The following MALRD1 variants were observed in gnomAD, a reference collection of about 807,000 sequenced individuals.
MALRD1 encodes MAM and LDL receptor class A domain containing 1.
In MALRD1, 247 loss-of-function variants were observed where a neutral mutation model predicts 242.1. The observed-to-expected ratio is 1.02, with a 90% CI of 0.92 to 1.13. MALRD1 has a LOEUF of 1.13. MALRD1 is among the 50% of genes most tolerant of loss of function. The probability of loss-of-function intolerance (pLI) is 0.00; values close to 1 mark genes in which losing one functional copy is unlikely to be tolerated. For missense variants in MALRD1, 2,989 were observed against 2,533.1 expected (o/e 1.18, Z -3.86); for synonymous variants, 995 against 866.6 (o/e 1.15, Z -2.60).
intron 38 of MALRD1, among the ~76,000 whole-genome samples, chr10:19,695,706 A>G (rs1054633084): frequency 6.6e-6 from 1 of 151,772 alleles, no homozygotes; most frequent in Non-Finnish European, 1.5e-5. Context: ...TTTTATTTTT[A>G]GTAGACACAG....
At chr10:19,486,692 T>C (rs1368219790) in intron 29 of MALRD1, among the ~76,000 whole-genome samples, 3 of 152,142 alleles carry the variant, frequency 2.0e-5, no homozygotes, top group African/African-American at 7.2e-5. Context: ...ATATTGAATG[T>C]CATCAGCTTA....
At chr10:19,054,144 T>C (rs1244351348) in intron 1 of MALRD1, among the ~76,000 whole-genome samples, 2 of 152,188 alleles carry the variant, frequency 1.3e-5, no homozygotes, top group African/African-American at 4.8e-5. Flanking sequence ...AAATAGCTTT[T>C]AAGTCATATT....
chr10:19,347,835 G>A lies in MALRD1; in HGVS notation c.3966G>A (p.Glu1322=), dbSNP rs1844198810. The part of the protein sequence containing the change: ...DLCSWKQEKD[E]DFDWNLKASS... ...GTTCCTGGAAGCAGGAGAAAGATGA[G>A]GACTTTGACTGGAACCTGAAAGCTA... is the stretch of plus-strand genomic sequence containing the variant. The change falls in exon 25 of 40, where the codon GAG becomes GAA. Residue 1322 remains glutamate (E), a synonymous_variant. Coordinates refer to ENST00000454679, the MANE Select transcript of MALRD1 (RefSeq NM_001142308.3). The A allele has an allele frequency of 3.2e-6, 5 of 1,550,456 alleles. No homozygotes were observed. The highest frequency in any genetic ancestry group is 1.7e-4 in the Middle Eastern group (1 of 5,990).
chr10:19,075,855 A>C (rs1835300524), intron 2 of MALRD1, among the ~76,000 whole-genome samples: 1 of 152,080 alleles, frequency 6.6e-6, no homozygotes, highest in Non-Finnish European at 1.5e-5. Flanking sequence ...AAGCAATAGA[A>C]AATGAGTTCA....
rs1564417220 is a variant in MALRD1 at position 19,530,388 on chromosome 10, ATTT to A, written c.5321-805_5321-803del. On this transcript the variant is annotated intron_variant, in intron 31 of 39. Transcript: ENST00000454679. Reference sequence around the variant, plus strand: ...ATAAATATTTATATAAATATTATATATTTATATAAATATTATATATTTATATAA... The same window carrying A: ...ATAAATATTTATATAAATATTATATAATATAAATATTATATATTTATATAA... Among the ~76,000 whole-genome samples, 526 of 78,040 alleles carry A rather than the reference ATTT, an allele frequency of 6.7e-3. 24 individuals carry two copies. The East Asian group carries it at 0.083, about 12-fold the overall frequency. 51.2% of individuals were successfully genotyped at this position (78,040 alleles called of 152,430 possible). A position where few individuals can be genotyped will look rare whatever the true frequency, so the allele number is the denominator to read the frequency against.
chr10:19,566,026 A>G (rs1836232807), intron 32 of MALRD1, among the ~76,000 whole-genome samples: 1 of 152,088 alleles, frequency 6.6e-6, no homozygotes, highest in African/African-American at 2.4e-5. Flanking sequence ...CTGTCTCTGG[A>G]ATATTTGGTG....
Position 19,230,689 on chromosome 10 carries a change from G to C in MALRD1, c.2991+21009G>C, listed in dbSNP as rs192020128. 5.9e-5 allele frequency among the ~76,000 whole-genome samples: 9 copies of C among 152,206 alleles called. No individual in the cohort carries two copies. In the East Asian group the frequency reaches 1.7e-3, roughly 29 times the overall value. On this transcript the variant is annotated intron_variant, in intron 18 of 39. Transcript: ENST00000454679. Reference sequence around the variant, plus strand: ...ATGCTTAGGATCTTTAGCTGTTCCAGGTTCTGGGAAAAGGGAGAGAGTTAG... The same window carrying C: ...ATGCTTAGGATCTTTAGCTGTTCCACGTTCTGGGAAAAGGGAGAGAGTTAG...
chr10:19,365,683 AAAAAAC>A (rs1226033434), intron 26 of MALRD1, among the ~76,000 whole-genome samples: 2 of 149,026 alleles, frequency 1.3e-5, no homozygotes, highest in East Asian at 3.9e-4. Flanking sequence ...AAAAAAAAAA[AAAAAAC>A]AAGCTACTAT....
rs757362285 is a variant in MALRD1 at position 19,718,083 on chromosome 10, A to G, written c.6315-12623A>G. ...AGGAAGAAGAAGAAGGAGAGGAATA[A>G]GTAGAAGAAGAAGAAGAGGAAGAGG... On this transcript the variant is annotated intron_variant, in intron 38 of 39. Transcript: ENST00000454679. 6.2e-5 allele frequency among the ~76,000 whole-genome samples: 8 copies of G among 128,938 alleles called. No homozygotes were observed. In the South Asian group the frequency reaches 2.1e-3, roughly 35 times the overall value. The allele number at this position is 128,938 out of a possible 152,430, so 84.6% of individuals were successfully genotyped here.
At chr10:19,585,739 G>A (rs376196218) in intron 33 of MALRD1, among the ~76,000 whole-genome samples, 233 of 152,048 alleles carry the variant, frequency 1.5e-3, no homozygotes, top group African/African-American at 4.5e-3. Flanking sequence ...TCTTTGTGGC[G>A]TTCTCTGTAT....
In MALRD1 at chr10:19,348,162, GA is replaced by G. The variant is rs755973972; in HGVS notation, c.4149+150del. 5.0e-5 allele frequency: 54 copies of G among 1,078,902 alleles called. No homozygotes were observed. The South Asian group carries it at 6.8e-4, about 14-fold the overall frequency. 66.8% of individuals were successfully genotyped at this position (1,078,902 alleles called of 1,614,324 possible). A position where few individuals can be genotyped will look rare whatever the true frequency, so the allele number is the denominator to read the frequency against. On this transcript the variant is annotated intron_variant, in intron 25 of 39. Coordinates refer to ENST00000454679, the MANE Select transcript of MALRD1 (RefSeq NM_001142308.3). ...TTCAACTTTGGATATGTGAAGGGGGGAAAAAATGAAGTTCAGAATGAAGGGG... is the reference window on the plus strand; with the variant it reads ...TTCAACTTTGGATATGTGAAGGGGGGAAAAATGAAGTTCAGAATGAAGGGG...
At chr10:19,111,926 G>A (rs1010801983) in intron 5 of MALRD1, among the ~76,000 whole-genome samples, 50 of 152,164 alleles carry the variant, frequency 3.3e-4, no homozygotes, top group African/African-American at 1.2e-3. Context: ...TTGGCACTTG[G>A]CTGGGGCTGC....
At chr10:19,484,397 G>A (rs1184739075) in intron 29 of MALRD1, among the ~76,000 whole-genome samples, 21 of 152,142 alleles carry the variant, frequency 1.4e-4, no homozygotes, top group Admixed American at 1.2e-3. Context: ...ATGAAAAAGA[G>A]AGTGCATGTG....
intron 29 of MALRD1, among the ~76,000 whole-genome samples, chr10:19,484,309 AG>A (rs2131189525): frequency 6.6e-6 from 1 of 152,342 alleles, no homozygotes; most frequent in East Asian, 1.9e-4. Context: ...AAAGTTTTCT[AG>A]CTACTAAAAT....
intron 31 of MALRD1, among the ~76,000 whole-genome samples, chr10:19,525,365 G>A (rs1237972158): frequency 1.3e-5 from 2 of 152,036 alleles, no homozygotes; most frequent in African/African-American, 2.4e-5. Context: ...TTAACCCTCT[G>A]CTGACATCAA....
At chr10:19,161,435 G>T in intron 12 of MALRD1, among the ~76,000 whole-genome samples, 1 of 116,924 alleles carries the variant, frequency 8.6e-6, no homozygotes, top group East Asian at 2.5e-4. Flanking sequence ...GCGCACCAGC[G>T]TGGCACATGT....
intron 7 of MALRD1, 24 bp from the exon 8 acceptor site, chr10:19,128,197 C>T (rs1189901885): frequency 8.1e-7 from 1 of 1,231,590 alleles, no homozygotes; most frequent in Non-Finnish European, 1.0e-6. Flanking sequence ...TCCTAAATTG[C>T]TTCTTTTTTC....
intron 13 of MALRD1, among the ~76,000 whole-genome samples, chr10:19,173,957 G>T (rs371043223): frequency 2.0e-5 from 3 of 152,226 alleles, no homozygotes; most frequent in South Asian, 2.1e-4. Flanking sequence ...TATAACAAAA[G>T]AGAGGTTAAA....
At chr10:19,426,679 T>G (rs1326788567) in intron 28 of MALRD1, among the ~76,000 whole-genome samples, 2 of 152,112 alleles carry the variant, frequency 1.3e-5, no homozygotes, top group Admixed American at 1.3e-4. Flanking sequence ...GGGGCATGCC[T>G]GTAGTCCCAG....
Sources: allele counts gnomAD v4.1 joint callset (sites outside exome capture counted in the v4.1 genomes callset), GRCh38; gene constraint gnomAD v4.1.1; transcripts MANE v1.5; gene names NCBI Gene and HGNC (gene_info 2026-07-23, HGNC 2026-07-21).